Variants in CPQ observed in about 807,000 individuals in gnomAD.
CPQ encodes the protein carboxypeptidase Q, also known as Ser-Met dipeptidase.
A neutral mutation model predicts 45.7 loss-of-function variants in CPQ; 37 were observed. The observed-to-expected ratio is 0.81, with a 90% CI of 0.62 to 1.07. CPQ has a LOEUF of 1.07. Among genes scored for constraint, CPQ ranks in the 50% least tolerant of loss-of-function variants. The pLI, the probability that CPQ is intolerant of heterozygous loss-of-function variation, is 0.00. For synonymous variants in CPQ, 186 were observed against 205.8 expected, an observed-to-expected ratio of 0.90 and a Z score of 0.82; for missense variants, 537 against 572.9, an observed-to-expected ratio of 0.94 and a Z score of 0.64.
In CPQ at chr8:97,068,761, A is replaced by G. The variant is rs182172426; in HGVS notation, c.1255+2551A>G. On this transcript the variant is annotated intron_variant, in intron 7 of 7. Coordinates refer to ENST00000220763, the MANE Select transcript of CPQ (RefSeq NM_016134.4). Reference sequence around the variant, plus strand: ...TACAACCATCCTATGAAGGAGGTACAATTATCATGATCCCTATTTTGCAGA... The same window carrying G: ...TACAACCATCCTATGAAGGAGGTACGATTATCATGATCCCTATTTTGCAGA... 7.2e-5 allele frequency among the ~76,000 whole-genome samples: 11 copies of G among 152,340 alleles called. No individual in the cohort carries two copies. The South Asian group carries it at 1.4e-3, about 20-fold the overall frequency.
intron 7 of CPQ, among the ~76,000 whole-genome samples, chr8:97,114,491 G>T (rs1251715696): frequency 2.6e-5 from 4 of 152,198 alleles, no homozygotes; most frequent in African/African-American, 9.6e-5. Context: ...CACACAGTAG[G>T]TGTTCAGTAT....
chr8:96,696,387 C>T (rs1239535046), intron 1 of CPQ, among the ~76,000 whole-genome samples: 6 of 151,320 alleles, frequency 4.0e-5, no homozygotes, highest in Non-Finnish European at 7.4e-5. Context: ...CACATGTGTA[C>T]GTATGTAACT....
At chr8:96,785,379 C>T (rs1810754870) in intron 2 of CPQ, 49 bp downstream of exon 2, 1 of 1,433,466 alleles carries the variant, frequency 7.0e-7, no homozygotes. Context: ...AACTAATGTC[C>T]CTTGGTGTAA....
chr8:96,806,260 A>C (rs1480886685), intron 2 of CPQ, among the ~76,000 whole-genome samples: 1 of 152,074 alleles, frequency 6.6e-6, no homozygotes, highest in Non-Finnish European at 1.5e-5. Flanking sequence ...ATTGGAAAAT[A>C]TAATAAAATT....
intron 3 of CPQ, among the ~76,000 whole-genome samples, chr8:96,848,821 T>A (rs1279424195): frequency 6.6e-6 from 1 of 152,174 alleles, no homozygotes; most frequent in Non-Finnish European, 1.5e-5. Context: ...TAGATCCTCG[T>A]TTTTAGTGGC....
chr8:97,043,204 C>T (rs1357803790), intron 6 of CPQ, among the ~76,000 whole-genome samples: 1 of 152,114 alleles, frequency 6.6e-6, no homozygotes, highest in African/African-American at 2.4e-5. Flanking sequence ...GGATAGTTAG[C>T]TCTTCCTGTT....
At position 96,854,557 on chromosome 8, in the gene CPQ, A is replaced by AAAAAAAAAAAAAAC. The variant is rs1554573253; in HGVS notation, c.641+19379_641+19380insAAAAAAAAAAACAA. On this transcript the variant is annotated intron_variant, in intron 3 of 7. Coordinates refer to ENST00000220763, the MANE Select transcript of CPQ (RefSeq NM_016134.4). ...AAAAAAAAAAAAAAAAAAAAAAAAA[A>AAAAAAAAAAAAAAC]AATGTGGTGGAACTAAAAGCCCAGT... Among the ~76,000 whole-genome samples the AAAAAAAAAAAAAAC allele has an allele frequency of 3.9e-5, 3 of 76,888 alleles. 1 individual carries two copies. The highest frequency in any genetic ancestry group is 1.5e-4 in the African/African-American group (3 of 20,040). The allele number at this position is 76,888 out of a possible 152,430, so 50.4% of individuals were successfully genotyped here.
At chr8:97,130,464 A>G (rs1367837004) in intron 7 of CPQ, among the ~76,000 whole-genome samples, 1 of 138,202 alleles carries the variant, frequency 7.2e-6, no homozygotes, top group Non-Finnish European at 1.5e-5. Context: ...TGTAAATTGC[A>G]GTTTATCTCA....
intron 1 of CPQ, among the ~76,000 whole-genome samples, chr8:96,682,873 G>C (rs1809169624): frequency 6.6e-6 from 1 of 152,058 alleles, no homozygotes; most frequent in South Asian, 2.1e-4. Context: ...GCATAAAATT[G>C]GGTCATGCTT....
chr8:96,796,585 C>T (rs945601415), intron 2 of CPQ, among the ~76,000 whole-genome samples: 5 of 152,048 alleles, frequency 3.3e-5, no homozygotes, highest in Admixed American at 2.0e-4. Flanking sequence ...ATTTCCACTC[C>T]CTCTCCCCTA....
chr8:97,048,700 A>T (rs1381020105), intron 6 of CPQ, among the ~76,000 whole-genome samples: 1 of 152,232 alleles, frequency 6.6e-6, no homozygotes, highest in Non-Finnish European at 1.5e-5. Flanking sequence ...CCCCTTTTAG[A>T]GAGCTTAAGC....
chr8:96,932,727 C>T (rs1483501780), intron 4 of CPQ, among the ~76,000 whole-genome samples: 2 of 152,186 alleles, frequency 1.3e-5, no homozygotes, highest in Non-Finnish European at 2.9e-5. Context: ...TGAGTACAAA[C>T]AGCTTTGTGA....
chr8:96,949,421 C>T (rs1013322033), intron 4 of CPQ, among the ~76,000 whole-genome samples: 2 of 151,538 alleles, frequency 1.3e-5, no homozygotes, highest in African/African-American at 4.9e-5. Flanking sequence ...CTCTTGTTTT[C>T]CTTGAGGTTT....
At chr8:96,851,671 G>A (rs1011623741) in intron 3 of CPQ, among the ~76,000 whole-genome samples, 21 of 152,068 alleles carry the variant, frequency 1.4e-4, no homozygotes, top group African/African-American at 5.1e-4. Flanking sequence ...TCATCACATT[G>A]GCCATTATAA....
intron 2 of CPQ, among the ~76,000 whole-genome samples, chr8:96,806,601 A>T (rs1034863863): frequency 6.6e-6 from 1 of 152,242 alleles, no homozygotes; most frequent in Non-Finnish European, 1.5e-5. Context: ...TGTCAGCCTG[A>T]ATTAAACAAC....
chr8:97,075,972 A>T (rs1241266055), intron 7 of CPQ, among the ~76,000 whole-genome samples: 1 of 152,062 alleles, frequency 6.6e-6, no homozygotes, highest in African/African-American at 2.4e-5. Context: ...TTTAATTTGT[A>T]TTTCTAAAAG....
chr8:96,711,886 A>G (rs1339081979), intron 1 of CPQ, among the ~76,000 whole-genome samples: 2 of 152,152 alleles, frequency 1.3e-5, no homozygotes, highest in African/African-American at 4.8e-5. Flanking sequence ...AACTCATTCC[A>G]ACATTAACCC....
intron 1 of CPQ, among the ~76,000 whole-genome samples, chr8:96,746,041 A>G (rs934956889): frequency 6.6e-6 from 1 of 152,218 alleles, no homozygotes; most frequent in Admixed American, 6.5e-5. Context: ...AACTAGCCGC[A>G]ATGTGAACTT....
intron 7 of CPQ, among the ~76,000 whole-genome samples, chr8:97,127,529 A>G (rs1811867762): frequency 6.6e-6 from 1 of 152,076 alleles, no homozygotes; most frequent in African/African-American, 2.4e-5. Context: ...TCTCTACAAA[A>G]AATACAAAAA....
Sources: gnomAD v4.1 joint callset for allele counts (sites outside exome capture counted in the v4.1 genomes callset) on GRCh38, gnomAD v4.1.1 for gene constraint, MANE v1.5 for transcripts, NCBI Gene and HGNC (gene_info 2026-07-23, HGNC 2026-07-21) for gene names.